The following GRIK2 variants were observed in gnomAD, a reference collection of about 807,000 sequenced individuals.
GRIK2 encodes glutamate ionotropic receptor kainate type subunit 2, also known as glutamate receptor ionotropic, kainate 2.
In GRIK2, 32 loss-of-function variants were observed where a neutral mutation model predicts 100.3. That is an observed-to-expected ratio of 0.32 (90% CI 0.24 to 0.43). GRIK2 has a LOEUF of 0.43. Among genes scored for constraint, GRIK2 ranks in the 20% least tolerant of loss-of-function variants. The pLI is 1.00. For missense variants in GRIK2, 843 were observed against 1,114.9 expected (o/e 0.76, Z 3.47); for synonymous variants, 417 against 389.4 (o/e 1.07, Z -0.83).
intron 14 of GRIK2, among the ~76,000 whole-genome samples, chr6:101,952,932 C>A (rs1301350232): frequency 6.6e-6 from 1 of 152,130 alleles, no homozygotes; most frequent in African/African-American, 2.4e-5. Context: ...CATTAACAAT[C>A]ATTCCCCATT....
At chr6:102,048,302 A>G (rs917400863) in intron 15 of GRIK2, among the ~76,000 whole-genome samples, 1 of 152,074 alleles carries the variant, frequency 6.6e-6, no homozygotes, top group Non-Finnish European at 1.5e-5. Flanking sequence ...GAGTTGGGCA[A>G]TATTTTTTTA....
At chr6:101,479,022 G>C (rs1339141847) in intron 2 of GRIK2, among the ~76,000 whole-genome samples, 1 of 152,030 alleles carries the variant, frequency 6.6e-6, no homozygotes, top group African/African-American at 2.4e-5. Context: ...AGACACAACT[G>C]GCATGTGGAA....
At chr6:101,425,622 G>C (rs1776663015) in intron 2 of GRIK2, among the ~76,000 whole-genome samples, 1 of 152,110 alleles carries the variant, frequency 6.6e-6, no homozygotes, top group South Asian at 2.1e-4. Flanking sequence ...AGACAGCAAG[G>C]CATATTTATT....
intron 7 of GRIK2, among the ~76,000 whole-genome samples, chr6:101,767,448 T>A (rs1281332326): frequency 1.3e-5 from 2 of 152,212 alleles, no homozygotes; most frequent in African/African-American, 4.8e-5. Flanking sequence ...ATACTTAATA[T>A]GACAGTCATA....
At chr6:101,768,258 G>A (rs1778161316) in intron 7 of GRIK2, among the ~76,000 whole-genome samples, 1 of 152,108 alleles carries the variant, frequency 6.6e-6, no homozygotes, top group Admixed American at 6.5e-5. Flanking sequence ...AGTAATATAA[G>A]CCATGTTGTC....
chr6:101,769,471 C>T (rs1385838392), intron 7 of GRIK2, among the ~76,000 whole-genome samples: 2 of 152,102 alleles, frequency 1.3e-5, no homozygotes, highest in African/African-American at 4.8e-5. Context: ...CAGAAGTCTA[C>T]TCAATAGTTA....
intron 10 of GRIK2, 102 bp downstream of exon 10, chr6:101,818,585 T>C: frequency 1.5e-6 from 1 of 664,388 alleles, no homozygotes; most frequent in Non-Finnish European, 2.7e-6. Flanking sequence ...AGAATGTATT[T>C]TACAGTTATT....
chr6:101,841,135 G>A (rs1319872899), intron 10 of GRIK2, among the ~76,000 whole-genome samples: 2 of 152,152 alleles, frequency 1.3e-5, no homozygotes, highest in African/African-American at 4.8e-5. Flanking sequence ...CCTTCAAAGT[G>A]AAGCACACAC....
At chr6:101,512,208 TTAAA>T (rs942812600) in intron 2 of GRIK2, among the ~76,000 whole-genome samples, 1 of 151,930 alleles carries the variant, frequency 6.6e-6, no homozygotes, top group Non-Finnish European at 1.5e-5. Flanking sequence ...AAGATAAAGA[TTAAA>T]TAATAAACTT....
At chr6:101,520,524 A>G (rs1310114675) in intron 2 of GRIK2, among the ~76,000 whole-genome samples, 5 of 152,066 alleles carry the variant, frequency 3.3e-5, no homozygotes, top group Admixed American at 6.6e-5. Flanking sequence ...TAAAAGACAT[A>G]TAAGGAATAG....
At position 101,724,182 on chromosome 6, in the gene GRIK2, T is replaced by TA. The variant is rs67211323; in HGVS notation, c.951+37840dup. Among the ~76,000 whole-genome samples the TA allele has an allele frequency of 9.7e-3, 1,324 of 136,018 alleles. 14 individuals are homozygous for TA. Among genetic ancestry groups the TA allele is most frequent in the African/African-American group, 0.03 (1,029 of 34,034 alleles). The allele number at this position is 136,018 out of a possible 152,430, so 89.2% of individuals were successfully genotyped here. A position where few individuals can be genotyped will look rare whatever the true frequency, so the allele number is the denominator to read the frequency against. On this transcript the variant is annotated intron_variant, in intron 7 of 16. Coordinates refer to ENST00000369134, the MANE Select transcript of GRIK2 (RefSeq NM_021956.5). ...ACCCTTGCCTTAGGTATAGTCTTTATAAAAAAAAAAATTTAACTTTTATTT... is the reference window on the plus strand; with the variant it reads ...ACCCTTGCCTTAGGTATAGTCTTTATAAAAAAAAAAAATTTAACTTTTATTT...
At chr6:101,949,014 C>G (rs1287231404) in intron 14 of GRIK2, among the ~76,000 whole-genome samples, 1 of 152,098 alleles carries the variant, frequency 6.6e-6, no homozygotes, top group Non-Finnish European at 1.5e-5. Context: ...ATAAACCCAC[C>G]ACTTAAAATA....
At chr6:101,798,335 A>C (rs972512789) in intron 7 of GRIK2, among the ~76,000 whole-genome samples, 1 of 152,086 alleles carries the variant, frequency 6.6e-6, no homozygotes, top group Non-Finnish European at 1.5e-5. Context: ...AATATCAGTC[A>C]AATCCTCAGG....
intron 14 of GRIK2, among the ~76,000 whole-genome samples, chr6:102,005,765 A>G (rs1795185797): frequency 6.6e-6 from 1 of 152,050 alleles, no homozygotes; most frequent in Non-Finnish European, 1.5e-5. Context: ...TTACTTTGGT[A>G]TGGCTACTAT....
At chr6:102,047,324 G>C (rs1770945372) in intron 15 of GRIK2, among the ~76,000 whole-genome samples, 1 of 152,028 alleles carries the variant, frequency 6.6e-6, no homozygotes, top group Non-Finnish European at 1.5e-5. Context: ...GGCAAAAAGA[G>C]AGGCGACTCA....
At chr6:101,649,184 C>T (rs1781671169) in intron 4 of GRIK2, among the ~76,000 whole-genome samples, 1 of 152,086 alleles carries the variant, frequency 6.6e-6, no homozygotes, top group African/African-American at 2.4e-5. Flanking sequence ...CTCCTCTCTT[C>T]CTTTCAAGAA....
intron 2 of GRIK2, among the ~76,000 whole-genome samples, chr6:101,400,402 A>T (rs1212251066): frequency 6.6e-6 from 1 of 152,166 alleles, no homozygotes; most frequent in Non-Finnish European, 1.5e-5. Context: ...TTTTAGTAGG[A>T]GCAGAACTAG....
intron 7 of GRIK2, among the ~76,000 whole-genome samples, chr6:101,792,191 C>T (rs953436500): frequency 1.3e-5 from 2 of 151,358 alleles, no homozygotes; most frequent in Non-Finnish European, 2.9e-5. Flanking sequence ...TTAATTGGAG[C>T]ATTTAGCCCA....
At chr6:101,549,919 A>G (rs1190205010) in intron 2 of GRIK2, among the ~76,000 whole-genome samples, 2 of 152,132 alleles carry the variant, frequency 1.3e-5, no homozygotes, top group African/African-American at 4.8e-5. Flanking sequence ...TTCTGAAGCT[A>G]CTCACAAAGT....
Sources: gnomAD v4.1 joint callset for allele counts (sites outside exome capture counted in the v4.1 genomes callset) on GRCh38, gnomAD v4.1.1 for gene constraint, MANE v1.5 for transcripts, NCBI Gene and HGNC (gene_info 2026-07-23, HGNC 2026-07-21) for gene names.